The following RBFOX1 variants were observed in gnomAD, a reference collection of about 807,000 sequenced individuals.
The protein encoded by RBFOX1 is RNA binding protein fox-1 homolog 1.
A neutral mutation model predicts 57.7 loss-of-function variants in RBFOX1; 8 were observed. That is an observed-to-expected ratio of 0.14 (90% CI 0.08 to 0.25). RBFOX1 has a LOEUF of 0.25. Ranked by LOEUF, RBFOX1 falls within the 10% of genes least tolerant of loss-of-function variation. The probability of loss-of-function intolerance (pLI) is 1.00; values close to 1 mark genes in which losing one functional copy is unlikely to be tolerated. For missense variants in RBFOX1, 611 were observed against 548.5 expected (o/e 1.11, Z -1.14); for synonymous variants, 326 against 222.4 (o/e 1.47, Z -4.15).
chr16:7,147,076 T>G (rs1600964381), intron 4 of RBFOX1, among the ~76,000 whole-genome samples: 2 of 137,746 alleles, frequency 1.5e-5, no homozygotes, highest in African/African-American at 5.5e-5. Context: ...GCCTCCCAGG[T>G]TCAAGTGTTT....
At chr16:6,610,044 A>G (rs959044058) in intron 2 of RBFOX1, among the ~76,000 whole-genome samples, 2 of 150,638 alleles carry the variant, frequency 1.3e-5, no homozygotes, top group Non-Finnish European at 2.9e-5. Context: ...AAACAAAACA[A>G]AAACCCACTA....
At chr16:5,314,190 G>A (rs28453070) in intron 1 of RBFOX1, among the ~76,000 whole-genome samples, 37,835 of 152,178 alleles carry the variant, frequency 0.25, 5,408 homozygotes, top group African/African-American at 0.4. Flanking sequence ...CCCAGGTCAT[G>A]CAGTGGGTAT....
chr16:7,628,622 T>C (rs752370643), intron 10 of RBFOX1, among the ~76,000 whole-genome samples: 13 of 152,144 alleles, frequency 8.5e-5, no homozygotes, highest in Non-Finnish European at 1.3e-4. Flanking sequence ...TGATAAACTT[T>C]TTTTTTTGAG....
intron 1 of RBFOX1, among the ~76,000 whole-genome samples, chr16:5,265,002 C>CTGTGTG (rs555034751): frequency 6.6e-6 from 1 of 151,400 alleles, no homozygotes; most frequent in Admixed American, 6.6e-5. Context: ...TGGAATTTCT[C>CTGTGTG]TGTGTGTGTG....
rs985318363 is a variant in RBFOX1 at position 6,131,168 on chromosome 16, C to T, written c.-127+111176C>T. 4.6e-5 allele frequency among the ~76,000 whole-genome samples: 7 copies of T among 152,176 alleles called. No homozygotes were observed. In the East Asian group the frequency reaches 1.3e-3, roughly 29 times the overall value. ...GCTTTGGGTTCTGACTAGGAAGGGGCACCAGAGGACTACCTAGTGTGATGG... is the reference window on the plus strand; with the variant it reads ...GCTTTGGGTTCTGACTAGGAAGGGGTACCAGAGGACTACCTAGTGTGATGG... On this transcript the variant is annotated intron_variant, in intron 1 of 15. Transcript: ENST00000550418.
chr16:5,355,843 C>T (rs922313761), intron 1 of RBFOX1, among the ~76,000 whole-genome samples: 3 of 152,100 alleles, frequency 2.0e-5, no homozygotes, highest in African/African-American at 7.2e-5. Context: ...GTAATCCCAG[C>T]CCTTTCGGAG....
chr16:7,523,038 G>C (rs1311592169), intron 5 of RBFOX1, among the ~76,000 whole-genome samples: 1 of 152,064 alleles, frequency 6.6e-6, no homozygotes, highest in Non-Finnish European at 1.5e-5. Flanking sequence ...TGCTTCTTTT[G>C]CTATAGCTTA....
At chr16:5,569,438 CTT>C (rs796279138) in intron 2 of RBFOX1, among the ~76,000 whole-genome samples, 2,058 of 48,510 alleles carry the variant, frequency 0.042, 13 homozygotes, top group African/African-American at 0.095. Context: ...AAGAAGTAAC[CTT>C]TTTTTTTTTT....
intron 4 of RBFOX1, among the ~76,000 whole-genome samples, chr16:7,493,276 C>T (rs1410220952): frequency 1.3e-5 from 2 of 152,318 alleles, no homozygotes; most frequent in East Asian, 1.9e-4. Context: ...CGCTCAACAG[C>T]CACACGTGGC....
At chr16:6,034,353 A>AAAAAAAAG (rs2095334871) in intron 1 of RBFOX1, among the ~76,000 whole-genome samples, 5 of 145,818 alleles carry the variant, frequency 3.4e-5, no homozygotes, top group Non-Finnish European at 7.5e-5. Flanking sequence ...AAAAAAAAAA[A>AAAAAAAAG]AAAAGAAAAG....
At chr16:6,446,322 A>G (rs553881267) in intron 2 of RBFOX1, among the ~76,000 whole-genome samples, 11 of 152,274 alleles carry the variant, frequency 7.2e-5, no homozygotes, top group Non-Finnish European at 1.5e-4. Flanking sequence ...TTTTAAAAAT[A>G]TTATTGGTTT....
intron 2 of RBFOX1, among the ~76,000 whole-genome samples, chr16:6,330,061 C>T (rs528558523): frequency 3.3e-5 from 5 of 152,224 alleles, no homozygotes; most frequent in African/African-American, 1.2e-4. Flanking sequence ...CCTTCTTCCC[C>T]ATGCAAAGAA....
intron 2 of RBFOX1, among the ~76,000 whole-genome samples, chr16:6,622,084 A>G (rs2154043050): frequency 6.6e-6 from 1 of 152,292 alleles, no homozygotes; most frequent in African/African-American, 2.4e-5. Context: ...GGGAATATGT[A>G]TGGAATATTA....
At chr16:6,670,852 T>C (rs530892133) in intron 3 of RBFOX1, among the ~76,000 whole-genome samples, 2 of 151,666 alleles carry the variant, frequency 1.3e-5, no homozygotes, top group Admixed American at 6.6e-5. Context: ...AAAAAAAAAT[T>C]AGCCGGGCAT....
At chr16:6,377,041 G>T (rs2091265081) in intron 2 of RBFOX1, among the ~76,000 whole-genome samples, 1 of 151,980 alleles carries the variant, frequency 6.6e-6, no homozygotes, top group Non-Finnish European at 1.5e-5. Context: ...GGAGGCTGAG[G>T]CAGGTGGATC....
At chr16:5,423,821 G>C (rs2067430124) in intron 1 of RBFOX1, among the ~76,000 whole-genome samples, 1 of 152,110 alleles carries the variant, frequency 6.6e-6, no homozygotes, top group African/African-American at 2.4e-5. Context: ...GGCATAAAGG[G>C]CTCTTGTTGT....
intron 3 of RBFOX1, among the ~76,000 whole-genome samples, chr16:6,874,326 C>G (rs567759508): frequency 6.6e-6 from 1 of 151,846 alleles, no homozygotes; most frequent in African/African-American, 2.4e-5. Flanking sequence ...GCCTGGCCAA[C>G]ATGATGAAAC....
At chr16:6,958,578 C>G (rs539864054) in intron 3 of RBFOX1, among the ~76,000 whole-genome samples, 2 of 152,114 alleles carry the variant, frequency 1.3e-5, no homozygotes, top group East Asian at 1.9e-4. Context: ...AACAACCAAA[C>G]GGAATATTTC....
chr16:5,462,156 C>G (rs1229529565), intron 1 of RBFOX1, among the ~76,000 whole-genome samples: 2 of 137,794 alleles, frequency 1.5e-5, no homozygotes, highest in Non-Finnish European at 3.1e-5. Flanking sequence ...CAGCGAGTTT[C>G]TTTCTTTCTT....
Sources: gnomAD v4.1 joint callset for allele counts (sites outside exome capture counted in the v4.1 genomes callset) on GRCh38, gnomAD v4.1.1 for gene constraint, MANE v1.5 for transcripts, NCBI Gene and HGNC (gene_info 2026-07-23, HGNC 2026-07-21) for gene names.